Variants in ADGRL4 observed in about 807,000 individuals in gnomAD.
The protein encoded by ADGRL4 is EGF, latrophilin and seven transmembrane domain containing 1.
Under a neutral mutation model 74.8 loss-of-function variants are expected in ADGRL4, and 90 were observed. The ratio of observed to expected loss-of-function variants is 1.20; its 90% CI spans 1.02 to 1.43. ADGRL4 has a LOEUF of 1.43. Ranked by LOEUF, ADGRL4 falls within the 40% of genes most tolerant of loss-of-function variation. ADGRL4 has a pLI of 0.00. For missense variants in ADGRL4, 881 were observed against 814.3 expected, an observed-to-expected ratio of 1.08 and a Z score of -1.00; for synonymous variants, 311 against 279.2, an observed-to-expected ratio of 1.11 and a Z score of -1.14.
intron 4 of ADGRL4, among the ~76,000 whole-genome samples, chr1:78,938,528 T>C (rs1385981495): frequency 1.3e-5 from 1 of 76,070 alleles, no homozygotes; most frequent in African/African-American, 4.4e-5. Context: ...GAATTAATAA[T>C]TTTTTTAAAT....
intron 12 of ADGRL4, among the ~76,000 whole-genome samples, chr1:78,896,830 T>C (rs1648409452): frequency 6.6e-6 from 1 of 152,122 alleles, no homozygotes; most frequent in South Asian, 2.1e-4. Context: ...AATGATTTGA[T>C]CTCTGCTATA....
rs1197184898 is a variant in ADGRL4 at position 78,959,851 on chromosome 1, T to C, written c.173-13425A>G. ...CCAAAGGTGGCCATATATTTTCCCA[T>C]GAACCTTCTTGATAGATATTAAGTC... is the stretch of plus-strand genomic sequence containing the variant. On this transcript the variant is annotated intron_variant, in intron 2 of 14. Coordinates refer to ENST00000370742, the MANE Select transcript of ADGRL4 (RefSeq NM_022159.4). Among the ~76,000 whole-genome samples, 3 of 152,178 alleles carry C rather than the reference T, an allele frequency of 2.0e-5. No individual in the cohort carries two copies. In the East Asian group the frequency reaches 5.8e-4, roughly 29 times the overall value.
At chr1:78,969,947 G>A (rs1415433406) in intron 2 of ADGRL4, among the ~76,000 whole-genome samples, 1 of 152,166 alleles carries the variant, frequency 6.6e-6, no homozygotes, top group East Asian at 1.9e-4. Flanking sequence ...AATCCTGCCA[G>A]GTGATGGGAA....
At chr1:78,982,699 C>T (rs1650420965) in intron 2 of ADGRL4, among the ~76,000 whole-genome samples, 1 of 151,748 alleles carries the variant, frequency 6.6e-6, no homozygotes. Flanking sequence ...TAAATGTACT[C>T]TTAGAAGATA....
At chr1:78,969,026 T>C (rs1175523803) in intron 2 of ADGRL4, among the ~76,000 whole-genome samples, 1 of 152,236 alleles carries the variant, frequency 6.6e-6, no homozygotes, top group Non-Finnish European at 1.5e-5. Flanking sequence ...TCTTTTTGAC[T>C]TTTGATTGGA....
rs1648967508 is a variant in ADGRL4, at chr1:78,920,208, A to G, written c.1436T>C (p.Val479Ala). 1.9e-6 allele frequency: 3 copies of G among 1,611,474 alleles called. No individual in the cohort carries two copies. Among genetic ancestry groups the G allele is most frequent in the Non-Finnish European group, 2.5e-6 (3 of 1,178,614 alleles). Residue 479 changes from valine to alanine, a missense_variant, in exon 10 of 15, where the codon GTT becomes GCT. Val to Ala is a moderately conservative substitution (Grantham distance 64, BLOSUM62 0). Transcript: ENST00000370742. ...CTTATTAGTATTTGTATTGATCCCA[A>G]CAAGAAAAACAAGTTCAGCAAGAAA... ...SLFLAELVFL[V>A]GINTNTNKLF...
At chr1:78,929,047 T>A (rs1360700010) in intron 7 of ADGRL4, among the ~76,000 whole-genome samples, 1 of 151,600 alleles carries the variant, frequency 6.6e-6, no homozygotes, top group Non-Finnish European at 1.5e-5. Flanking sequence ...CTTTATTTTT[T>A]CACCTAAATG....
At chr1:78,973,964 G>T (rs1465993119) in intron 2 of ADGRL4, among the ~76,000 whole-genome samples, 1 of 151,916 alleles carries the variant, frequency 6.6e-6, no homozygotes, top group Non-Finnish European at 1.5e-5. Flanking sequence ...TATATTTATA[G>T]CAATCTTTAG....
intron 2 of ADGRL4, among the ~76,000 whole-genome samples, chr1:78,994,529 T>C (rs1650676611): frequency 6.6e-6 from 1 of 152,202 alleles, no homozygotes; most frequent in Non-Finnish European, 1.5e-5. Context: ...TAGTCATTGC[T>C]GGGATTTCCC....
chr1:78,984,401 GA>G (rs920384854), intron 2 of ADGRL4, among the ~76,000 whole-genome samples: 1 of 151,618 alleles, frequency 6.6e-6, no homozygotes, highest in Non-Finnish European at 1.5e-5. Context: ...GAAAGAGATG[GA>G]AAAAGTAAAT....
chr1:78,891,698 A>G lies in ADGRL4; in HGVS notation c.1842-6T>C. The G allele has an allele frequency of 6.2e-7, 1 of 1,600,310 alleles. No individual in the cohort carries two copies. The highest frequency in any genetic ancestry group is 8.5e-7 in the Non-Finnish European group (1 of 1,175,554). ...GGGCTCCTCTTGCACAAGACCTATC[A>G]CATATGAGAAATGCGTCAGTGAAGA... On this transcript the variant is annotated splice_polypyrimidine_tract_variant and splice_region_variant and intron_variant, in intron 13 of 14. Transcript: ENST00000370742.
At chr1:78,938,058 T>C in intron 5 of ADGRL4, 42 bp downstream of exon 5, 1 of 1,604,224 alleles carries the variant, frequency 6.2e-7, no homozygotes, top group East Asian at 2.2e-5. Context: ...AAAGGAAAAA[T>C]TCAAAGCTCA....
intron 3 of ADGRL4, among the ~76,000 whole-genome samples, chr1:78,941,068 A>C (rs1013754072): frequency 7.9e-5 from 12 of 152,190 alleles, no homozygotes; most frequent in Non-Finnish European, 1.3e-4. Context: ...CTTCCAAAGA[A>C]ACACAAATGC....
intron 2 of ADGRL4, among the ~76,000 whole-genome samples, chr1:78,982,862 G>C (rs986179302): frequency 1.3e-5 from 2 of 151,860 alleles, no homozygotes; most frequent in African/African-American, 4.8e-5. Context: ...CTGCACCTGT[G>C]CAAGGTCGAG....
At chr1:78,989,450 T>TG (rs1442589826) in intron 2 of ADGRL4, among the ~76,000 whole-genome samples, 1 of 151,596 alleles carries the variant, frequency 6.6e-6, no homozygotes, top group African/African-American at 2.4e-5. Context: ...CTTTCTTACT[T>TG]TAATAATTAA....
chr1:78,937,195 A>T (rs957657195), intron 6 of ADGRL4, among the ~76,000 whole-genome samples: 1 of 152,206 alleles, frequency 6.6e-6, no homozygotes, highest in African/African-American at 2.4e-5. Flanking sequence ...CTGTAATCCC[A>T]GCACTTTAGG....
chr1:78,949,179 G>C (rs985238488), intron 2 of ADGRL4, among the ~76,000 whole-genome samples: 1 of 152,038 alleles, frequency 6.6e-6, no homozygotes, highest in African/African-American at 2.4e-5. Context: ...TGAGGTCTGA[G>C]GTATTGGTTG....
chr1:78,993,104 T>C (rs946359320), intron 2 of ADGRL4, among the ~76,000 whole-genome samples: 1 of 152,124 alleles, frequency 6.6e-6, no homozygotes, highest in African/African-American at 2.4e-5. Flanking sequence ...AAATACGTTT[T>C]TTTAATTTAA....
chr1:78,961,296 C>A (rs1039247995), intron 2 of ADGRL4, among the ~76,000 whole-genome samples: 2 of 152,060 alleles, frequency 1.3e-5, no homozygotes, highest in Non-Finnish European at 2.9e-5. Flanking sequence ...GTGCATGCCA[C>A]CTCACCCAGC....
Sources: allele counts gnomAD v4.1 joint callset (sites outside exome capture counted in the v4.1 genomes callset), GRCh38; gene constraint gnomAD v4.1.1; transcripts MANE v1.5; gene names NCBI Gene and HGNC (gene_info 2026-07-23, HGNC 2026-07-21).